The following FAF1 variants were observed in gnomAD, a reference collection of about 807,000 sequenced individuals.
The protein encoded by FAF1 is Fas associated factor 1, also known as FAS-associated factor 1.
Under a neutral mutation model 92.5 loss-of-function variants are expected in FAF1, and 25 were observed. That is an observed-to-expected ratio of 0.27 (90% confidence interval 0.20 to 0.38). The LOEUF (loss-of-function observed/expected upper bound fraction) is 0.38. FAF1 is among the 10% of genes least tolerant of loss of function. FAF1 has a pLI of 1.00. For synonymous variants in FAF1, 234 were observed against 273.2 expected (o/e 0.86, Z 1.42); for missense variants, 636 against 793.3 (o/e 0.80, Z 2.38).
Position 50,509,484 on chromosome 1 carries a change from C to A in FAF1, c.1495-17683G>T, listed in dbSNP as rs552019322. Among the ~76,000 whole-genome samples the A allele has an allele frequency of 9.2e-5, 14 of 152,170 alleles. 1 individual carries two copies. The highest frequency in any genetic ancestry group is 3.4e-4 in the African/African-American group (14 of 41,510). ...AAAATTAGCTGGGTGTGGTGGCACA[C>A]ACTTGTGGTCCCAGCTACTTGGGTG... On this transcript the variant is annotated intron_variant, in intron 15 of 18. Coordinates refer to ENST00000396153, the MANE Select transcript of FAF1 (RefSeq NM_007051.3).
rs752002539 is a variant in FAF1 at position 50,539,583 on chromosome 1, G to T, written c.1405+9C>A. On this transcript the variant is annotated intron_variant, in intron 14 of 18. Coordinates refer to ENST00000396153, the MANE Select transcript of FAF1 (RefSeq NM_007051.3). ...GAAGGCTTTACTCTCCTTGTGACAT[G>T]TACTTTACCTTGTATCACATTCAAC... 1.2e-6 allele frequency: 2 copies of T among 1,608,792 alleles called. No homozygotes were observed. The highest frequency in any genetic ancestry group is 3.3e-5 in the Admixed American group (2 of 59,736).
intron 14 of FAF1, 116 bp from the exon 15 acceptor site, chr1:50,535,573 T>C (rs1648432327): frequency 1.8e-6 from 1 of 550,606 alleles, no homozygotes; most frequent in East Asian, 2.9e-5. Flanking sequence ...GAATAATCAG[T>C]CTAAAAAAAT....
At chr1:50,678,502 T>C (rs963392598) in intron 7 of FAF1, among the ~76,000 whole-genome samples, 9 of 152,270 alleles carry the variant, frequency 5.9e-5, no homozygotes, top group African/African-American at 1.9e-4. Context: ...ATACATTTTT[T>C]GGTCAGGTGT....
At chr1:50,864,674 T>G (rs996257569) in intron 1 of FAF1, among the ~76,000 whole-genome samples, 1 of 151,850 alleles carries the variant, frequency 6.6e-6, no homozygotes, top group Non-Finnish European at 1.5e-5. Flanking sequence ...CCTTACACCT[T>G]ATACAAAAAT....
intron 2 of FAF1, among the ~76,000 whole-genome samples, chr1:50,822,743 GTT>G (rs757343855): frequency 7.1e-6 from 1 of 141,274 alleles, no homozygotes. Flanking sequence ...TTTTTTTGGT[GTT>G]TTTTCTTTCT....
At chr1:50,917,075 C>T (rs1295419222) in intron 1 of FAF1, among the ~76,000 whole-genome samples, 1 of 152,118 alleles carries the variant, frequency 6.6e-6, no homozygotes, top group Non-Finnish European at 1.5e-5. Flanking sequence ...GAAGAAAGAA[C>T]AGTGAAAGAT....
chr1:50,808,115 G>GA (rs1220320516), intron 2 of FAF1, among the ~76,000 whole-genome samples: 2 of 151,826 alleles, frequency 1.3e-5, no homozygotes, highest in East Asian at 1.9e-4. Context: ...CATTCTTAAA[G>GA]AAAAAAAATT....
intron 7 of FAF1, among the ~76,000 whole-genome samples, chr1:50,704,678 A>G (rs991685145): frequency 2.6e-5 from 4 of 151,976 alleles, no homozygotes; most frequent in Admixed American, 6.6e-5. Flanking sequence ...TAAAATCCTG[A>G]AAAAAAATTA....
intron 4 of FAF1, among the ~76,000 whole-genome samples, chr1:50,759,913 C>A (rs1380766158): frequency 6.6e-6 from 1 of 152,176 alleles, no homozygotes; most frequent in Admixed American, 6.5e-5. Context: ...TGATGATGAG[C>A]ATTTTTTCAT....
chr1:50,732,766 T>C (rs1381867879), intron 6 of FAF1, among the ~76,000 whole-genome samples: 2 of 152,194 alleles, frequency 1.3e-5, no homozygotes, highest in Admixed American at 6.5e-5. Context: ...TTTGCCATCA[T>C]ATTTTCTGTT....
At chr1:50,846,690 T>C (rs554562327) in intron 2 of FAF1, 2 of 581,888 alleles carry the variant, frequency 3.4e-6, no homozygotes, top group East Asian at 4.2e-5. Context: ...ACCACAACTG[T>C]TGAAAGCATG....
chr1:50,533,577 C>G (rs1269072213), intron 15 of FAF1, among the ~76,000 whole-genome samples: 2 of 151,980 alleles, frequency 1.3e-5, no homozygotes, highest in African/African-American at 2.4e-5. Flanking sequence ...GATAAATAAA[C>G]TAAAATACAA....
intron 15 of FAF1, among the ~76,000 whole-genome samples, chr1:50,531,205 C>T (rs1461658093): frequency 6.6e-6 from 1 of 152,150 alleles, no homozygotes; most frequent in Non-Finnish European, 1.5e-5. Flanking sequence ...GAAATCTGCC[C>T]TGATCTCCAA....
At chr1:50,563,905 G>C (rs1004443146) in intron 13 of FAF1, among the ~76,000 whole-genome samples, 1 of 152,132 alleles carries the variant, frequency 6.6e-6, no homozygotes, top group African/African-American at 2.4e-5. Context: ...CATTTAAGAG[G>C]TGTAAAAATC....
chr1:50,570,412 G>A (rs759084718), intron 12 of FAF1, among the ~76,000 whole-genome samples: 3 of 151,986 alleles, frequency 2.0e-5, no homozygotes, highest in Non-Finnish European at 4.4e-5. Context: ...CGACTGGCTC[G>A]CCTCGCCCCT....
rs528160440 is a variant in FAF1, at chr1:50,793,756, G to C, written c.162-5551C>G. ...TCTCCCGCTCTTTGTCATAATAATA[G>C]TCTATAGAGATCTTGATTAACTTGA... On this transcript the variant is annotated intron_variant, in intron 3 of 18. Coordinates refer to ENST00000396153, the MANE Select transcript of FAF1 (RefSeq NM_007051.3). Among the ~76,000 whole-genome samples the C allele has an allele frequency of 1.1e-3, 167 of 152,260 alleles. 1 individual carries two copies. Among genetic ancestry groups the C allele is most frequent in the Non-Finnish European group, 2.1e-3 (145 of 68,020 alleles).
At chr1:50,695,590 G>C (rs1198818843) in intron 7 of FAF1, among the ~76,000 whole-genome samples, 1 of 152,042 alleles carries the variant, frequency 6.6e-6, no homozygotes, top group South Asian at 2.1e-4. Context: ...ATAAAATGGA[G>C]GGCCCATCTC....
intron 9 of FAF1, among the ~76,000 whole-genome samples, chr1:50,586,919 C>G (rs532709106): frequency 1.3e-5 from 2 of 152,260 alleles, no homozygotes; most frequent in East Asian, 3.9e-4. Flanking sequence ...AGTGCCTAGC[C>G]AGATTCACAG....
At chr1:50,906,298 G>C (rs1265087971) in intron 1 of FAF1, among the ~76,000 whole-genome samples, 1 of 152,304 alleles carries the variant, frequency 6.6e-6, no homozygotes, top group Non-Finnish European at 1.5e-5. Flanking sequence ...AGTATAGTTT[G>C]AAGTCAGGTA....
Sources: gnomAD v4.1 joint callset for allele counts (sites outside exome capture counted in the v4.1 genomes callset) on GRCh38, gnomAD v4.1.1 for gene constraint, MANE v1.5 for transcripts, NCBI Gene and HGNC (gene_info 2026-07-23, HGNC 2026-07-21) for gene names.